Variants in UMAD1 observed in about 807,000 individuals in gnomAD.
The protein encoded by UMAD1 is UBAP1-MVB12-associated (UMA) domain containing 1.
UMAD1 carries 8 observed loss-of-function variants against 6.1 expected under a neutral mutation model. That is an observed-to-expected ratio of 1.30 (90% CI 0.76 to 2.35). UMAD1 has a LOEUF of 2.35. Among genes scored for constraint, UMAD1 ranks in the 30% most tolerant of loss-of-function variants. The probability of loss-of-function intolerance (pLI) is 0.00; values close to 1 mark genes in which losing one functional copy is unlikely to be tolerated. For synonymous variants in UMAD1, 56 were observed against 31.4 expected, an observed-to-expected ratio of 1.78 and a Z score of -2.61; for missense variants, 130 against 78.4, an observed-to-expected ratio of 1.66 and a Z score of -2.49.
chr7:7,766,965 A>T (rs565213603), intron 2 of UMAD1, among the ~76,000 whole-genome samples: 1 of 152,224 alleles, frequency 6.6e-6, no homozygotes, highest in Admixed American at 6.5e-5. Flanking sequence ...ATTCTTGCCT[A>T]TTCTGCTTTC....
At chr7:7,732,908 C>T (rs1781286834) in intron 2 of UMAD1, among the ~76,000 whole-genome samples, 1 of 152,174 alleles carries the variant, frequency 6.6e-6, no homozygotes, top group Non-Finnish European at 1.5e-5. Context: ...ACAATTCCTA[C>T]TACTGATGGT....
intron 2 of UMAD1, among the ~76,000 whole-genome samples, chr7:7,743,378 T>A (rs1302859566): frequency 2.6e-5 from 4 of 152,134 alleles, no homozygotes; most frequent in Admixed American, 2.0e-4. Flanking sequence ...TTAACAAACA[T>A]CATTTGTCAA....
intron 3 of UMAD1, among the ~76,000 whole-genome samples, chr7:7,814,324 A>G (rs936370558): frequency 5.3e-5 from 8 of 152,136 alleles, no homozygotes; most frequent in African/African-American, 1.9e-4. Flanking sequence ...TGAGGTGGTA[A>G]TAGTCTCTTT....
At chr7:7,728,013 CT>C (rs1781174004) in intron 2 of UMAD1, among the ~76,000 whole-genome samples, 1 of 152,200 alleles carries the variant, frequency 6.6e-6, no homozygotes, top group Middle Eastern at 3.4e-3. Context: ...CTAGAGAACC[CT>C]GACTAATACA....
At chr7:7,739,622 C>G (rs1241815839) in intron 2 of UMAD1, among the ~76,000 whole-genome samples, 2 of 152,136 alleles carry the variant, frequency 1.3e-5, no homozygotes, top group Non-Finnish European at 2.9e-5. Flanking sequence ...CGTAACAAAT[C>G]AATCAAGCAA....
At chr7:7,703,329 T>A (rs1344784669) in intron 2 of UMAD1, among the ~76,000 whole-genome samples, 1 of 152,216 alleles carries the variant, frequency 6.6e-6, no homozygotes, top group Non-Finnish European at 1.5e-5. Flanking sequence ...TTTAAATTGA[T>A]CTTTTATCAA....
chr7:7,655,517 T>C (rs1785319349), intron 1 of UMAD1, among the ~76,000 whole-genome samples: 1 of 152,224 alleles, frequency 6.6e-6, no homozygotes, highest in Admixed American at 6.5e-5. Flanking sequence ...TGCTCTATAA[T>C]TGATTTGTAG....
At chr7:7,765,779 G>A (rs189547873) in intron 2 of UMAD1, among the ~76,000 whole-genome samples, 2 of 152,290 alleles carry the variant, frequency 1.3e-5, no homozygotes, top group East Asian at 1.9e-4. Context: ...AGTATGCTAA[G>A]CAAGAGGGGA....
intron 2 of UMAD1, chr7:7,742,292 A>T: frequency 1.5e-6 from 1 of 647,680 alleles, no homozygotes; most frequent in Non-Finnish European, 3.0e-6. Flanking sequence ...TGTCTTCTTC[A>T]TGGCCGACTC....
chr7:7,711,956 A>T (rs1563145223), intron 2 of UMAD1, among the ~76,000 whole-genome samples: 1 of 151,204 alleles, frequency 6.6e-6, no homozygotes, highest in African/African-American at 2.4e-5. Flanking sequence ...TCCGATTTTA[A>T]TTTTTTTTTG....
chr7:7,865,926 A>G (rs1261380425), intron 3 of UMAD1, among the ~76,000 whole-genome samples: 3 of 152,206 alleles, frequency 2.0e-5, no homozygotes, highest in Admixed American at 6.5e-5. Flanking sequence ...GGACCCCATT[A>G]AACTTCCTTT....
intron 1 of UMAD1, among the ~76,000 whole-genome samples, chr7:7,643,189 A>G (rs1785014376): frequency 6.6e-6 from 1 of 152,134 alleles, no homozygotes. Context: ...TCAAAATGTT[A>G]ATTGAATGTA....
At chr7:7,722,810 G>A (rs963300844) in intron 2 of UMAD1, among the ~76,000 whole-genome samples, 2 of 152,208 alleles carry the variant, frequency 1.3e-5, no homozygotes, top group African/African-American at 4.8e-5. Flanking sequence ...TGAAGGCATT[G>A]ATTGGAAAAG....
chr7:7,815,404 G>A (rs534509371), intron 3 of UMAD1, among the ~76,000 whole-genome samples: 2 of 152,104 alleles, frequency 1.3e-5, no homozygotes, highest in Non-Finnish European at 1.5e-5. Context: ...TGCCAGAGTA[G>A]AGTAGAATTG....
chr7:7,716,380 T>A (rs1438103475), intron 2 of UMAD1, among the ~76,000 whole-genome samples: 1 of 152,210 alleles, frequency 6.6e-6, no homozygotes, highest in Non-Finnish European at 1.5e-5. Flanking sequence ...TTGGCAAGGT[T>A]TCCTTTTAAA....
chr7:7,780,665 C>T (rs921696733), intron 2 of UMAD1, among the ~76,000 whole-genome samples: 2 of 152,196 alleles, frequency 1.3e-5, no homozygotes, highest in African/African-American at 2.4e-5. Context: ...TGACTTCTAA[C>T]AGCACAGATT....
At chr7:7,868,387 G>A (rs918283428) in intron 3 of UMAD1, 2 of 152,028 alleles carry the variant, frequency 1.3e-5, no homozygotes, top group Non-Finnish European at 2.9e-5. Context: ...AAGAATACAT[G>A]GAACAGATTA....
Position 7,744,607 on chromosome 7 carries a change from T to A in UMAD1, c.83-57063T>A, listed in dbSNP as rs564347766. 3.1e-3 allele frequency among the ~76,000 whole-genome samples: 464 copies of A among 151,974 alleles called. 4 individuals are homozygous for A. The highest frequency in any genetic ancestry group is 0.01 in the African/African-American group (421 of 41,444). ...TAATTGTTACTGTTTTTTTTTTTTTTTTATTATAGTCATCCTAGTGAGTGT... is the reference window on the plus strand; with the variant it reads ...TAATTGTTACTGTTTTTTTTTTTTTATTATTATAGTCATCCTAGTGAGTGT... On this transcript the variant is annotated intron_variant, in intron 2 of 3. Transcript: ENST00000682710.
At chr7:7,788,077 C>T (rs1001914526) in intron 2 of UMAD1, among the ~76,000 whole-genome samples, 1 of 152,122 alleles carries the variant, frequency 6.6e-6, no homozygotes, top group East Asian at 1.9e-4. Context: ...AGTCACTTTA[C>T]CAGATGCTGA....
Sources: allele counts gnomAD v4.1 joint callset (sites outside exome capture counted in the v4.1 genomes callset), GRCh38; gene constraint gnomAD v4.1.1; transcripts MANE v1.5; gene names NCBI Gene and HGNC (gene_info 2026-07-23, HGNC 2026-07-21).